Variants in BHMT2 observed in about 807,000 individuals in gnomAD.
The protein encoded by BHMT2 is S-methylmethionine--homocysteine S-methyltransferase BHMT2.
BHMT2 carries 28 observed loss-of-function variants against 39.0 expected under a neutral mutation model. The observed-to-expected ratio is 0.72, with a 90% CI of 0.53 to 0.98. BHMT2 has a LOEUF of 0.98. Ranked by LOEUF, BHMT2 falls within the 50% of genes least tolerant of loss-of-function variation. The pLI is 0.00. For missense variants in BHMT2, 410 were observed against 455.6 expected (o/e 0.90, Z 0.91); for synonymous variants, 145 against 160.6 (o/e 0.90, Z 0.74).
chr5:79,069,857 T>C, intron 1 of BHMT2, 42 bp downstream of exon 1: 1 of 1,367,578 alleles, frequency 7.3e-7, no homozygotes, highest in Non-Finnish European at 9.5e-7. Flanking sequence ...TCCTGGCCGC[T>C]GGGCTGCGAG....
chr5:79,084,608 C>T (rs1346978801), intron 7 of BHMT2, among the ~76,000 whole-genome samples: 1 of 152,092 alleles, frequency 6.6e-6, no homozygotes, highest in Non-Finnish European at 1.5e-5. Flanking sequence ...CCAATCACCT[C>T]CCAGTGGCTC....
chr5:79,076,116 G>A (rs1226688636), intron 1 of BHMT2, among the ~76,000 whole-genome samples: 1 of 152,172 alleles, frequency 6.6e-6, no homozygotes, highest in Admixed American at 6.5e-5. Flanking sequence ...ATCGAATGGT[G>A]GAAGTAGCTC....
At position 79,080,948 on chromosome 5, in the gene BHMT2, A is replaced by C; in HGVS notation, c.450+70A>C. ...CATAACTGCAGAGTCTTCACATTTC[A>C]TGAGGGTATTGGACAACATTCTGCC... On this transcript the variant is annotated intron_variant, in intron 4 of 7. Coordinates refer to ENST00000255192, the MANE Select transcript of BHMT2 (RefSeq NM_017614.5). 5 of 1,394,144 alleles carry C rather than the reference A, an allele frequency of 3.6e-6. No homozygotes were observed. In the South Asian group the frequency reaches 4.4e-5, roughly 12 times the overall value. 86.4% of individuals were successfully genotyped at this position (1,394,144 alleles called of 1,614,324 possible).
At chr5:79,086,544 A>C (rs1303653143) in intron 7 of BHMT2, among the ~76,000 whole-genome samples, 1 of 152,208 alleles carries the variant, frequency 6.6e-6, no homozygotes, top group Admixed American at 6.5e-5. Flanking sequence ...AAAAACGTTC[A>C]CTGCAGAACA....
chr5:79,073,138 A>AT (rs1192419965), intron 1 of BHMT2, among the ~76,000 whole-genome samples: 1 of 151,758 alleles, frequency 6.6e-6, no homozygotes, highest in Non-Finnish European at 1.5e-5. Context: ...TAATTTTTGT[A>AT]TTTTTAGTAG....
chr5:79,070,396 C>T (rs971293316), intron 1 of BHMT2, among the ~76,000 whole-genome samples: 2 of 152,156 alleles, frequency 1.3e-5, no homozygotes, highest in African/African-American at 4.8e-5. Flanking sequence ...ACCCCTCAAC[C>T]TCCTCTCACC....
chr5:79,083,322 C>A lies in BHMT2; in HGVS notation c.729C>A (p.His243Gln), dbSNP rs768968564. The change falls in exon 6 of 8, where the codon CAC (histidine) becomes CAA (glutamine). Residue 243 changes from histidine to glutamine, a missense_variant. Transcript: ENST00000255192. The stretch of plus-strand genomic sequence containing the variant: ...TCATGGTGCAGCCTCTGGGGTTCCA[C>A]GCGCCTGACTGTGGCAAAGAGGGGT... ...AHLMVQPLGF[H>Q]APDCGKEGFV... 3.1e-6 allele frequency: 5 copies of A among 1,611,360 alleles called. No homozygotes were observed. Among genetic ancestry groups the A allele is most frequent in the African/African-American group, 2.7e-5 (2 of 74,826 alleles).
At chr5:79,087,026 ATATATATATATATATACATATG>A (rs1755913870) in intron 7 of BHMT2, among the ~76,000 whole-genome samples, 1 of 146,058 alleles carries the variant, frequency 6.8e-6, no homozygotes, top group Non-Finnish European at 1.5e-5. Flanking sequence ...ATATATATAT[ATATATATATATATATACATATG>A]TATGTATATC....
At chr5:79,075,054 C>T (rs1307660863) in intron 1 of BHMT2, among the ~76,000 whole-genome samples, 1 of 152,146 alleles carries the variant, frequency 6.6e-6, no homozygotes, top group Non-Finnish European at 1.5e-5. Context: ...GGGGGCCATA[C>T]AGTCTCAGTG....
At chr5:79,085,090 C>G (rs1417139295) in intron 7 of BHMT2, among the ~76,000 whole-genome samples, 2 of 152,048 alleles carry the variant, frequency 1.3e-5, no homozygotes, top group Non-Finnish European at 2.9e-5. Flanking sequence ...TTGTTCTATT[C>G]TATAGTTATA....
At chr5:79,075,759 C>T (rs1415094331) in intron 1 of BHMT2, among the ~76,000 whole-genome samples, 2 of 152,160 alleles carry the variant, frequency 1.3e-5, no homozygotes, top group African/African-American at 4.8e-5. Context: ...GGGAGATGTG[C>T]TTTAGACCAA....
intron 4 of BHMT2, 24 bp downstream of exon 4, chr5:79,080,902 G>T: frequency 2.0e-6 from 3 of 1,532,998 alleles, no homozygotes; most frequent in South Asian, 2.6e-5. Flanking sequence ...TGGAGGAAAA[G>T]GATTGAACCT....
chr5:79,087,206 G>A (rs1755918914), intron 7 of BHMT2, among the ~76,000 whole-genome samples: 1 of 151,298 alleles, frequency 6.6e-6, no homozygotes, highest in Non-Finnish European at 1.5e-5. Context: ...TTTTTGAACT[G>A]GAAAAATTTG....
chr5:79,077,782 A>G, intron 2 of BHMT2, 170 bp downstream of exon 2: 2 of 723,780 alleles, frequency 2.8e-6, no homozygotes, highest in Non-Finnish European at 4.3e-6. Flanking sequence ...ATGGAAGAAA[A>G]TGACCTCTCT....
At chr5:79,086,946 C>T (rs1344531537) in intron 7 of BHMT2, among the ~76,000 whole-genome samples, 1 of 150,468 alleles carries the variant, frequency 6.6e-6, no homozygotes, top group Admixed American at 6.7e-5. Flanking sequence ...CACACACACA[C>T]TCATACTCTG....
At chr5:79,082,228 G>T (rs1321488605) in intron 4 of BHMT2, among the ~76,000 whole-genome samples, 1 of 152,186 alleles carries the variant, frequency 6.6e-6, no homozygotes, top group African/African-American at 2.4e-5. Context: ...AATGACATGG[G>T]TTTACCAGAC....
At chr5:79,073,573 A>ATTT (rs1755620034) in intron 1 of BHMT2, among the ~76,000 whole-genome samples, 1 of 152,224 alleles carries the variant, frequency 6.6e-6, no homozygotes, top group Non-Finnish European at 1.5e-5. Flanking sequence ...AAAAGTACAA[A>ATTT]TTGAAAAGAG....
intron 2 of BHMT2, 151 bp downstream of exon 2, chr5:79,077,763 C>A: frequency 1.1e-6 from 1 of 912,794 alleles, no homozygotes; most frequent in Non-Finnish European, 1.6e-6. Context: ...AGTATACAGG[C>A]GGAAGTATAT....
chr5:79,082,867 G>A lies in BHMT2; in HGVS notation c.509G>A (p.Arg170Lys), dbSNP rs761434989. 6.2e-7 allele frequency: 1 copy of A among 1,614,120 alleles called. No homozygotes were observed. The highest frequency in any genetic ancestry group is 1.1e-5 in the South Asian group (1 of 91,078). The part of the protein sequence containing the change: ...WAVEVLKESD[R>K]PVAVTMCIGP... ...GTGGAAGTCTTAAAAGAATCAGATAGACCCGTGGCAGTTACCATGTGCATA... is the reference window on the plus strand; with the variant it reads ...GTGGAAGTCTTAAAAGAATCAGATAAACCCGTGGCAGTTACCATGTGCATA... The change falls in exon 5 of 8, where the codon AGA becomes AAA. Residue 170 changes from arginine to lysine, a missense_variant. Transcript: ENST00000255192.
Sources: gnomAD v4.1 joint callset for allele counts (sites outside exome capture counted in the v4.1 genomes callset) on GRCh38, gnomAD v4.1.1 for gene constraint, MANE v1.5 for transcripts, NCBI Gene and HGNC (gene_info 2026-07-23, HGNC 2026-07-21) for gene names.